The following BZW2 variants were observed in gnomAD, a reference collection of about 807,000 sequenced individuals.
BZW2 encodes eIF5-mimic protein 1.
Under a neutral mutation model 53.2 loss-of-function variants are expected in BZW2, and 23 were observed. That is an observed-to-expected ratio of 0.43 (90% CI 0.31 to 0.61). The LOEUF (loss-of-function observed/expected upper bound fraction) is 0.61, where lower values mean the gene tolerates loss of function less well. BZW2 is among the 20% of genes least tolerant of loss of function. The probability of loss-of-function intolerance (pLI) is 0.09; values close to 1 mark genes in which losing one functional copy is unlikely to be tolerated. For missense variants in BZW2, 409 were observed against 503.1 expected, an observed-to-expected ratio of 0.81 and a Z score of 1.79; for synonymous variants, 227 against 186.4, an observed-to-expected ratio of 1.22 and a Z score of -1.77.
At chr7:16,667,571 C>G (rs1006211564) in intron 2 of BZW2, among the ~76,000 whole-genome samples, 1 of 152,072 alleles carries the variant, frequency 6.6e-6, no homozygotes, top group Non-Finnish European at 1.5e-5. Context: ...AGTCTAGTCA[C>G]GTAGACGGAA....
chr7:16,703,867 G>C (rs1318693693), intron 10 of BZW2, among the ~76,000 whole-genome samples: 1 of 152,152 alleles, frequency 6.6e-6, no homozygotes, highest in Non-Finnish European at 1.5e-5. Context: ...TTAGAAACCT[G>C]TAGGAAATTA....
chr7:16,676,144 C>T (rs1033747030), intron 3 of BZW2, among the ~76,000 whole-genome samples: 4 of 152,148 alleles, frequency 2.6e-5, no homozygotes, highest in Admixed American at 6.5e-5. Context: ...TATGCAAATA[C>T]GATATTCTGC....
chr7:16,683,621 T>C (rs1400427195), intron 5 of BZW2, among the ~76,000 whole-genome samples: 6 of 152,260 alleles, frequency 3.9e-5, no homozygotes, highest in Non-Finnish European at 7.3e-5. Flanking sequence ...CTCTTTCTCA[T>C]CAGTGAAATC....
intron 1 of BZW2, among the ~76,000 whole-genome samples, chr7:16,660,534 C>T (rs998474891): frequency 8.6e-5 from 13 of 151,978 alleles, no homozygotes; most frequent in Admixed American, 5.9e-4. Context: ...TTTGTGCAGA[C>T]TACTCTTCGA....
At position 16,685,876 on chromosome 7, in the gene BZW2, C is replaced by CTTTTT. The variant is rs34699573; in HGVS notation, c.406-14_406-10dup. 6.5e-4 allele frequency: 836 copies of CTTTTT among 1,294,498 alleles called. 1 individual carries two copies. Among genetic ancestry groups the CTTTTT allele is most frequent in the South Asian group, 3.0e-3 (176 of 58,160 alleles). 80.2% of individuals were successfully genotyped at this position (1,294,498 alleles called of 1,614,324 possible). On this transcript the variant is annotated intron_variant, in intron 5 of 11. Transcript: ENST00000258761. ...TTCCTTTTTTTTTCTTTTTCTTTTT[C>CTTTTT]TTTTTTTTTTTTTTTTTTTGACCCA...
intron 8 of BZW2, chr7:16,696,096 G>A (rs533319762): frequency 6.6e-6 from 1 of 151,924 alleles, no homozygotes; most frequent in African/African-American, 2.4e-5. Flanking sequence ...CTCCAGGCCA[G>A]AAGTCAAGAA....
intron 1 of BZW2, among the ~76,000 whole-genome samples, chr7:16,647,189 C>A (rs891790434): frequency 6.6e-6 from 1 of 152,120 alleles, no homozygotes; most frequent in African/African-American, 2.4e-5. Flanking sequence ...ATATTTACAT[C>A]ATCAATGAAA....
At chr7:16,690,198 A>G (rs1338756359) in intron 7 of BZW2, among the ~76,000 whole-genome samples, 1 of 149,362 alleles carries the variant, frequency 6.7e-6, no homozygotes, top group African/African-American at 2.5e-5. Flanking sequence ...TATAGCCATA[A>G]CTTTTTTACT....
chr7:16,681,756 C>T (rs1037521431), intron 4 of BZW2, among the ~76,000 whole-genome samples: 4 of 152,094 alleles, frequency 2.6e-5, no homozygotes, highest in African/African-American at 9.7e-5. Flanking sequence ...CACTTGAACC[C>T]AGAAGGCGGA....
chr7:16,653,106 C>T (rs1782028414), intron 1 of BZW2, among the ~76,000 whole-genome samples: 2 of 151,906 alleles, frequency 1.3e-5, no homozygotes, highest in Non-Finnish European at 2.9e-5. Context: ...GGCAGGTCCC[C>T]TTCTGGGAGG....
At chr7:16,702,476 T>C (rs886633544) in intron 10 of BZW2, among the ~76,000 whole-genome samples, 1 of 152,162 alleles carries the variant, frequency 6.6e-6, no homozygotes, top group Non-Finnish European at 1.5e-5. Flanking sequence ...CATTAAATAT[T>C]CTCAATTAAT....
intron 4 of BZW2, among the ~76,000 whole-genome samples, chr7:16,681,680 A>G (rs1782950816): frequency 6.6e-6 from 1 of 152,052 alleles, no homozygotes; most frequent in Non-Finnish European, 1.5e-5. Context: ...AAAAATACAA[A>G]AATTAGCTGG....
At chr7:16,649,671 C>A (rs1423910289) in intron 1 of BZW2, among the ~76,000 whole-genome samples, 5 of 152,068 alleles carry the variant, frequency 3.3e-5, no homozygotes, top group African/African-American at 9.7e-5. Flanking sequence ...TCTTTATTGA[C>A]TGGATATTTG....
intron 1 of BZW2, among the ~76,000 whole-genome samples, chr7:16,648,214 G>A (rs1583694199): frequency 2.0e-5 from 3 of 152,300 alleles, no homozygotes; most frequent in Admixed American, 2.0e-4. Context: ...TATTAAAACA[G>A]ATTCACATCA....
intron 1 of BZW2, among the ~76,000 whole-genome samples, chr7:16,661,494 G>C (rs1221851486): frequency 6.6e-6 from 1 of 152,106 alleles, no homozygotes; most frequent in Non-Finnish European, 1.5e-5. Flanking sequence ...AGGACAGTTA[G>C]AAGATTAACA....
chr7:16,650,626 A>T (rs1781961773), intron 1 of BZW2, among the ~76,000 whole-genome samples: 1 of 152,190 alleles, frequency 6.6e-6, no homozygotes, highest in African/African-American at 2.4e-5. Flanking sequence ...GATATATTAA[A>T]TGTCCTTTAT....
chr7:16,661,262 C>T (rs1782252459), intron 1 of BZW2: 1 of 152,096 alleles, frequency 6.6e-6, no homozygotes, highest in South Asian at 2.1e-4. Context: ...GGTAAGTCCT[C>T]TGGTAGATCA....
intron 10 of BZW2, among the ~76,000 whole-genome samples, chr7:16,700,588 G>A (rs1180455379): frequency 6.6e-6 from 1 of 152,090 alleles, no homozygotes; most frequent in African/African-American, 2.4e-5. Flanking sequence ...GCCAGGGTTG[G>A]GCCTGAGAAT....
chr7:16,689,226 C>G (rs1045755023), intron 6 of BZW2, among the ~76,000 whole-genome samples: 1 of 151,674 alleles, frequency 6.6e-6, no homozygotes, highest in African/African-American at 2.4e-5. Context: ...ACTCCATCCC[C>G]CCAAAAATAA....
Sources: gnomAD v4.1 joint callset for allele counts (sites outside exome capture counted in the v4.1 genomes callset) on GRCh38, gnomAD v4.1.1 for gene constraint, MANE v1.5 for transcripts, NCBI Gene and HGNC (gene_info 2026-07-23, HGNC 2026-07-21) for gene names.